HTR1E: variants seen among roughly 807,000 people sequenced by gnomAD.
HTR1E encodes 5-HT-1E.
Under a neutral mutation model 3.4 loss-of-function variants are expected in HTR1E, and 3 were observed. That is an observed-to-expected ratio of 0.89 (90% CI 0.41 to 2.31). HTR1E has a LOEUF of 2.31. HTR1E is among the 30% of genes most tolerant of loss of function. HTR1E has a pLI of 0.05. For missense variants in HTR1E, 392 were observed against 467.0 expected, an observed-to-expected ratio of 0.84 and a Z score of 1.48; for synonymous variants, 170 against 182.8, an observed-to-expected ratio of 0.93 and a Z score of 0.56.
At chr6:86,952,737 T>C (rs928579617) in intron 1 of HTR1E, among the ~76,000 whole-genome samples, 2 of 152,210 alleles carry the variant, frequency 1.3e-5, no homozygotes, top group East Asian at 3.8e-4. Flanking sequence ...AGGCTTCATT[T>C]TGTTCAGAAA....
At chr6:86,963,691 T>A (rs1236151732) in intron 1 of HTR1E, among the ~76,000 whole-genome samples, 1 of 152,224 alleles carries the variant, frequency 6.6e-6, no homozygotes, top group Non-Finnish European at 1.5e-5. Context: ...ATCATTGTGT[T>A]ACAATTGCCT....
At chr6:86,986,901 C>T (rs1767796926) in intron 1 of HTR1E, among the ~76,000 whole-genome samples, 5 of 151,886 alleles carry the variant, frequency 3.3e-5, no homozygotes, top group Admixed American at 3.3e-4. Flanking sequence ...TAGCAAAGTC[C>T]CCTTGGCCTC....
At chr6:86,968,136 A>G (rs1767500730) in intron 1 of HTR1E, among the ~76,000 whole-genome samples, 1 of 152,170 alleles carries the variant, frequency 6.6e-6, no homozygotes, top group African/African-American at 2.4e-5. Context: ...TTCATGCTAC[A>G]TTATTATTTT....
intron 1 of HTR1E, among the ~76,000 whole-genome samples, chr6:86,942,703 T>C (rs548241911): frequency 1.3e-5 from 2 of 152,352 alleles, no homozygotes; most frequent in East Asian, 3.9e-4. Context: ...ATTTCATAGA[T>C]TGTAAACTGG....
At chr6:86,944,572 T>C (rs113071371) in intron 1 of HTR1E, among the ~76,000 whole-genome samples, 415 of 152,326 alleles carry the variant, frequency 2.7e-3, no homozygotes, top group Non-Finnish European at 4.5e-3. Flanking sequence ...AAATCAATGA[T>C]TAAGAGATGT....
intron 1 of HTR1E, among the ~76,000 whole-genome samples, chr6:86,962,894 T>C (rs147762593): frequency 9.4e-4 from 143 of 152,282 alleles, no homozygotes; most frequent in Non-Finnish European, 1.7e-3. Flanking sequence ...CAATTATGTA[T>C]AGTACATAAT....
chr6:86,992,612 A>T (rs1767884306), intron 1 of HTR1E, among the ~76,000 whole-genome samples: 1 of 152,230 alleles, frequency 6.6e-6, no homozygotes, highest in Non-Finnish European at 1.5e-5. Flanking sequence ...ATATGTAGAT[A>T]ACAAATCCAT....
At chr6:87,014,346 A>T (rs1768284504) in intron 1 of HTR1E, among the ~76,000 whole-genome samples, 1 of 151,882 alleles carries the variant, frequency 6.6e-6, no homozygotes, top group Non-Finnish European at 1.5e-5. Context: ...GAATGCTTTT[A>T]CACTGTTGGT....
intron 1 of HTR1E, among the ~76,000 whole-genome samples, chr6:87,006,419 G>GA (rs1470869224): frequency 6.6e-6 from 1 of 152,152 alleles, no homozygotes; most frequent in Admixed American, 6.5e-5. Flanking sequence ...AAAAAGTCAA[G>GA]AAACAACAGA....
At chr6:87,003,039 C>T (rs1360497105) in intron 1 of HTR1E, among the ~76,000 whole-genome samples, 1 of 152,140 alleles carries the variant, frequency 6.6e-6, no homozygotes, top group African/African-American at 2.4e-5. Flanking sequence ...CTCTTCAGCA[C>T]ATGGATCATT....
At chr6:86,959,555 C>T (rs1011233620) in intron 1 of HTR1E, among the ~76,000 whole-genome samples, 1 of 152,128 alleles carries the variant, frequency 6.6e-6, no homozygotes, top group Non-Finnish European at 1.5e-5. Flanking sequence ...TGCACTCCAG[C>T]GACTAGTGTT....
intron 1 of HTR1E, among the ~76,000 whole-genome samples, chr6:86,952,640 T>C (rs1477455656): frequency 1.3e-5 from 2 of 152,112 alleles, no homozygotes; most frequent in African/African-American, 4.8e-5. Context: ...ATCAATCATA[T>C]CTAGCAACTG....
In HTR1E at chr6:87,015,301, G is replaced by T; in HGVS notation, c.-34G>T. 6.8e-7 allele frequency: 1 copy of T among 1,472,512 alleles called. No individual in the cohort carries two copies. The highest frequency in any genetic ancestry group is 9.0e-7 in the Non-Finnish European group (1 of 1,107,218). 91.2% of individuals were successfully genotyped at this position (1,472,512 alleles called of 1,614,324 possible). ...TTCAGCCAAAGGAAAATAACCAACA[G>T]CTTCTCCACAGTGTAGACTGAAACA... On this transcript the variant is annotated 5_prime_UTR_variant, in exon 2 of 2. Coordinates refer to ENST00000305344, the MANE Select transcript of HTR1E (RefSeq NM_000865.3).
chr6:86,982,522 C>T (rs752398666), intron 1 of HTR1E, among the ~76,000 whole-genome samples: 4 of 152,084 alleles, frequency 2.6e-5, no homozygotes, highest in Non-Finnish European at 5.9e-5. Context: ...ATGGGTCAGC[C>T]CTGAAGAGGG....
Position 86,998,308 on chromosome 6 carries a change from C to G in HTR1E, c.-185-16842C>G, listed in dbSNP as rs535520109. ...ATTTTGAAACATAAGCATAATATCA[C>G]CAAGATAGACTACAAGCTGAGCCAT... is the stretch of plus-strand genomic sequence containing the variant. On this transcript the variant is annotated intron_variant, in intron 1 of 1. Coordinates refer to ENST00000305344, the MANE Select transcript of HTR1E (RefSeq NM_000865.3). Among the ~76,000 whole-genome samples the G allele has an allele frequency of 1.1e-4, 16 of 151,974 alleles. 2 individuals carry two copies. Among genetic ancestry groups the G allele is most frequent in the African/African-American group, 3.9e-4 (16 of 41,472 alleles).
At chr6:86,999,378 C>G (rs1379801277) in intron 1 of HTR1E, among the ~76,000 whole-genome samples, 2 of 152,104 alleles carry the variant, frequency 1.3e-5, no homozygotes, top group East Asian at 3.8e-4. Context: ...AAGTATATAG[C>G]AAAAGCCAAA....
At chr6:87,006,514 G>A (rs965660823) in intron 1 of HTR1E, among the ~76,000 whole-genome samples, 2 of 152,128 alleles carry the variant, frequency 1.3e-5, no homozygotes, top group African/African-American at 4.8e-5. Flanking sequence ...AATATGGTGT[G>A]GCAATTCCTC....
rs1321693704 is a variant in HTR1E, at chr6:87,012,950, C to G, written c.-185-2200C>G. ...AGCTTTCTCTCCAAAACCGCTGACT[C>G]AGGCACACTTTTTAGGTTAAAGTAA... On this transcript the variant is annotated intron_variant, in intron 1 of 1. Coordinates refer to ENST00000305344, the MANE Select transcript of HTR1E (RefSeq NM_000865.3). Among the ~76,000 whole-genome samples the G allele has an allele frequency of 2.6e-5, 4 of 152,206 alleles. No individual in the cohort carries two copies. The East Asian group carries it at 7.7e-4, about 29-fold the overall frequency.
chr6:86,975,436 G>A (rs966997031), intron 1 of HTR1E, among the ~76,000 whole-genome samples: 1 of 151,878 alleles, frequency 6.6e-6, no homozygotes, highest in African/African-American at 2.4e-5. Flanking sequence ...TGTATGTTCA[G>A]TCTCTGAAAC....
Sources: gnomAD v4.1 joint callset for allele counts (sites outside exome capture counted in the v4.1 genomes callset) on GRCh38, gnomAD v4.1.1 for gene constraint, MANE v1.5 for transcripts, NCBI Gene and HGNC (gene_info 2026-07-23, HGNC 2026-07-21) for gene names.